The following WWOX variants were observed in gnomAD, a reference collection of about 807,000 sequenced individuals.
WWOX encodes WW domain containing oxidoreductase, also known as WW domain-containing oxidoreductase.
A neutral mutation model predicts 46.2 loss-of-function variants in WWOX; 69 were observed. The observed-to-expected ratio is 1.49, with a 90% confidence interval of 1.23 to 1.82. The LOEUF is 1.82. Ranked by LOEUF, WWOX falls within the 40% of genes most tolerant of loss-of-function variation. The pLI is 0.00. For missense variants in WWOX, 919 were observed against 542.6 expected, an observed-to-expected ratio of 1.69 and a Z score of -6.89; for synonymous variants, 359 against 202.6, an observed-to-expected ratio of 1.77 and a Z score of -6.56.
At chr16:78,510,091 CTG>C (rs2085324338) in intron 8 of WWOX, among the ~76,000 whole-genome samples, 4 of 152,156 alleles carry the variant, frequency 2.6e-5, no homozygotes, top group Non-Finnish European at 5.9e-5. Context: ...GTCTGTCTGT[CTG>C]TCTGTCTCTC....
At chr16:78,139,931 A>G (rs1305992358) in intron 4 of WWOX, among the ~76,000 whole-genome samples, 2 of 152,164 alleles carry the variant, frequency 1.3e-5, no homozygotes, top group East Asian at 1.9e-4. Flanking sequence ...AATAAAGGGC[A>G]TTTATCCACC....
intron 6 of WWOX, among the ~76,000 whole-genome samples, chr16:78,400,148 C>T (rs950510430): frequency 1.8e-4 from 28 of 152,232 alleles, no homozygotes; most frequent in African/African-American, 6.3e-4. Context: ...AGCTTAAACT[C>T]CTGTTATAGT....
chr16:79,145,155 G>A (rs1035994127), intron 8 of WWOX, among the ~76,000 whole-genome samples: 1 of 152,122 alleles, frequency 6.6e-6, no homozygotes. Flanking sequence ...AAATTTTCAT[G>A]TCATTTCTTT....
At chr16:78,334,336 CCAAG>C (rs2080828077) in intron 5 of WWOX, among the ~76,000 whole-genome samples, 1 of 152,018 alleles carries the variant, frequency 6.6e-6, no homozygotes, top group Non-Finnish European at 1.5e-5. Flanking sequence ...TTTTAATAGA[CCAAG>C]CAAAAAGTCC....
chr16:78,698,511 A>G (rs997726172), intron 8 of WWOX, among the ~76,000 whole-genome samples: 4 of 152,198 alleles, frequency 2.6e-5, no homozygotes, highest in African/African-American at 9.6e-5. Context: ...AAATTTTAGC[A>G]GTCGTTTTGA....
chr16:79,159,956 C>T (rs1480097705), intron 8 of WWOX, among the ~76,000 whole-genome samples: 6 of 152,028 alleles, frequency 3.9e-5, no homozygotes, highest in Admixed American at 1.3e-4. Context: ...GTGAAAGCAC[C>T]GGGATTCATA....
At chr16:78,646,719 G>C (rs887226094) in intron 8 of WWOX, among the ~76,000 whole-genome samples, 10 of 152,154 alleles carry the variant, frequency 6.6e-5, no homozygotes, top group African/African-American at 2.4e-4. Flanking sequence ...ATTGTGCCTG[G>C]CGTATATATT....
At chr16:79,060,558 C>T (rs1218709755) in intron 8 of WWOX, among the ~76,000 whole-genome samples, 3 of 152,206 alleles carry the variant, frequency 2.0e-5, no homozygotes, top group Non-Finnish European at 4.4e-5. Context: ...CAAGATTGCT[C>T]CCTTCTAAGG....
chr16:78,534,208 G>C (rs2043700631), intron 8 of WWOX, among the ~76,000 whole-genome samples: 1 of 152,172 alleles, frequency 6.6e-6, no homozygotes, highest in Admixed American at 6.6e-5. Context: ...TACCCACTCT[G>C]AGTCTTGTCA....
intron 8 of WWOX, among the ~76,000 whole-genome samples, chr16:78,725,538 G>A (rs1233034215): frequency 6.6e-6 from 1 of 150,886 alleles, no homozygotes; most frequent in African/African-American, 2.4e-5. Context: ...GTAGAAATGG[G>A]GTTTCACCAT....
At chr16:78,745,479 T>C (rs1399460795) in intron 8 of WWOX, among the ~76,000 whole-genome samples, 2 of 151,872 alleles carry the variant, frequency 1.3e-5, no homozygotes, top group South Asian at 2.1e-4. Context: ...TTTTAATGTT[T>C]AGCGTTTGGG....
intron 8 of WWOX, among the ~76,000 whole-genome samples, chr16:78,777,659 C>G (rs2050224689): frequency 6.6e-6 from 1 of 152,096 alleles, no homozygotes; most frequent in Non-Finnish European, 1.5e-5. Context: ...AGGGCAGACT[C>G]CCCAGCACAG....
Position 79,211,943 on chromosome 16 carries a change from CT to C in WWOX, c.*149del, listed in dbSNP as rs1342859759. The C allele has an allele frequency of 2.0e-6, 3 of 1,537,400 alleles. No homozygotes were observed. The highest frequency in any genetic ancestry group is 2.4e-5 in the East Asian group (1 of 40,924). On this transcript the variant is annotated 3_prime_UTR_variant, in exon 9 of 9. Transcript: ENST00000566780. Reference sequence around the variant, plus strand: ...GAGCAGTCACAACAGAGTGAAAAATCTTAAGTACCAATGGGAAGCAGGGAAT... The same window carrying C: ...GAGCAGTCACAACAGAGTGAAAAATCTAAGTACCAATGGGAAGCAGGGAAT...
intron 8 of WWOX, among the ~76,000 whole-genome samples, chr16:78,489,437 T>C (rs1329604455): frequency 7.2e-5 from 11 of 152,178 alleles, no homozygotes; most frequent in Admixed American, 7.2e-4. Context: ...GTCTACAAAA[T>C]GTCTTTTGAG....
chr16:78,996,355 G>T (rs1020402190), intron 8 of WWOX: 25 of 959,700 alleles, frequency 2.6e-5, no homozygotes, highest in Non-Finnish European at 3.1e-5. Flanking sequence ...AATAGAAAGA[G>T]TGTGAGTGAA....
At chr16:78,864,073 T>C (rs1390646462) in intron 8 of WWOX, among the ~76,000 whole-genome samples, 1 of 152,204 alleles carries the variant, frequency 6.6e-6, no homozygotes, top group Non-Finnish European at 1.5e-5. Flanking sequence ...GTGTAAGTTT[T>C]TGTTGGAACA....
chr16:78,992,084 A>G (rs11644811), intron 8 of WWOX, among the ~76,000 whole-genome samples: 2 of 152,096 alleles, frequency 1.3e-5, no homozygotes, highest in Admixed American at 1.3e-4. Flanking sequence ...TGGAATCTAC[A>G]CACCTGTGAT....
At chr16:78,225,621 C>A (rs1363894906) in intron 5 of WWOX, among the ~76,000 whole-genome samples, 3 of 152,030 alleles carry the variant, frequency 2.0e-5, no homozygotes, top group African/African-American at 4.8e-5. Context: ...TTTGTTTTGC[C>A]ATGAGGAATT....
At chr16:78,564,640 G>T (rs985882360) in intron 8 of WWOX, among the ~76,000 whole-genome samples, 2 of 152,054 alleles carry the variant, frequency 1.3e-5, no homozygotes, top group Non-Finnish European at 2.9e-5. Flanking sequence ...TCATATCTGA[G>T]AATATTCCCT....
Sources: allele counts gnomAD v4.1 joint callset (sites outside exome capture counted in the v4.1 genomes callset), GRCh38; gene constraint gnomAD v4.1.1; transcripts MANE v1.5; gene names NCBI Gene and HGNC (gene_info 2026-07-23, HGNC 2026-07-21).